Variants in TENT5D observed in about 807,000 individuals in gnomAD.
TENT5D encodes terminal nucleotidyltransferase 5D.
For synonymous variants in TENT5D, 103 were observed against 100.6 expected (o/e 1.02, Z -0.15); for missense variants, 191 against 287.0 (o/e 0.67, Z 2.42).
intron 1 of TENT5D, among the ~76,000 whole-genome samples, chrX:80,430,332 G>C (rs1177962789): frequency 9.0e-6 from 1 of 111,318 alleles, no homozygotes; most frequent in Non-Finnish European, 1.9e-5. Context: ...AGCGAAATTA[G>C]GGGTTTCTTG....
At chrX:80,392,765 C>T (rs1931161321) in intron 3 of TENT5D, among the ~76,000 whole-genome samples, 1 of 107,974 alleles carries the variant, frequency 9.3e-6, no homozygotes, top group African/African-American at 3.4e-5. Context: ...ATCCACCCGC[C>T]TCGGCCTCCC....
At chrX:80,378,452 T>A in intron 3 of TENT5D, among the ~76,000 whole-genome samples, 1 of 111,892 alleles carries the variant, frequency 8.9e-6, no homozygotes, top group East Asian at 2.8e-4. Flanking sequence ...GCTTTCTACA[T>A]ATAGCTAGCC....
At chrX:80,353,382 A>G (rs1040997047) in intron 3 of TENT5D, among the ~76,000 whole-genome samples, 1 of 111,703 alleles carries the variant, frequency 9.0e-6, no homozygotes, top group Non-Finnish European at 1.9e-5. Flanking sequence ...CACCCAGGCA[A>G]TAAGCATAGT....
rs1337270613 is a variant in TENT5D at position 80,404,349 on chromosome X, T to C, written c.-141-34261T>C. 6.3e-5 allele frequency among the ~76,000 whole-genome samples: 7 copies of C among 111,732 alleles called. No individual in the cohort carries two copies. The Admixed American group carries it at 6.6e-4, about 11-fold the overall frequency. On this transcript the variant is annotated intron_variant, in intron 3 of 4. Transcript: ENST00000538312. ...GTTAAATCTGTCTCTCAAAATCTTG[T>C]AAAAAATCTATAAAATGTTAATAAT...
intron 3 of TENT5D, among the ~76,000 whole-genome samples, chrX:80,390,562 C>T (rs67336913): frequency 0.097 from 10,745 of 110,603 alleles, 522 homozygotes; most frequent in African/African-American, 0.18. Context: ...GTAGAGAAGG[C>T]AGGATAGGAA....
At chrX:80,416,827 G>A (rs1182203539), upstream of TENT5D, among the ~76,000 whole-genome samples, 1 of 111,082 alleles carries the variant, frequency 9.0e-6, no homozygotes, top group African/African-American at 3.3e-5. Flanking sequence ...ATTTGGTCAG[G>A]TGTTGAGTTC....
chrX:80,398,215 C>T (rs1026394900), intron 3 of TENT5D, among the ~76,000 whole-genome samples: 1 of 111,768 alleles, frequency 8.9e-6, no homozygotes, highest in Non-Finnish European at 1.9e-5. Flanking sequence ...TGTTTGCCTT[C>T]TATCAAAAAT....
At chrX:80,405,535 G>A (rs756151754) in intron 3 of TENT5D, among the ~76,000 whole-genome samples, 4 of 112,483 alleles carry the variant, frequency 3.6e-5, no homozygotes, top group African/African-American at 6.4e-5. Context: ...CAAATATTGC[G>A]CTTTTCGGAC....
At chrX:80,443,309 A>C (rs1177074819) in exon 3 of TENT5D, 1 of 1,209,425 alleles carries the variant, frequency 8.3e-7, no homozygotes, top group African/African-American at 1.7e-5. Context: ...GAAATCAAAA[A>C]CCTAGAACGT....
At chrX:80,407,790 G>A in intron 3 of TENT5D, among the ~76,000 whole-genome samples, 1 of 106,691 alleles carries the variant, frequency 9.4e-6, no homozygotes, top group East Asian at 3.0e-4. Context: ...CAAATCAACA[G>A]AATATACATT....
chrX:80,379,109 C>A lies in TENT5D; in HGVS notation c.-142+36545C>A, dbSNP rs1305628621. ...TGAATTTTGTCGAAGGCCTTTTCTG[C>A]ATTCTCTTGCAGAAAAGGCCTTTTC... On this transcript the variant is annotated intron_variant, in intron 3 of 4. Transcript: ENST00000538312. Among the ~76,000 whole-genome samples the A allele has an allele frequency of 2.5e-4, 25 of 101,751 alleles. No homozygotes were observed. The East Asian group carries it at 7.9e-3, about 32-fold the overall frequency. The allele number at this position is 101,751 out of a possible 115,157, so 88.4% of individuals were successfully genotyped here. A position where few individuals can be genotyped will look rare whatever the true frequency, so the allele number is the denominator to read the frequency against.
intron 3 of TENT5D, among the ~76,000 whole-genome samples, chrX:80,350,789 GT>G (rs1930161285): frequency 9.0e-6 from 1 of 111,631 alleles, no homozygotes; most frequent in Admixed American, 9.5e-5. Flanking sequence ...GCTGGTACTG[GT>G]TTTTCCTTTC....
At position 80,381,880 on chromosome X, in the gene TENT5D, G is replaced by A. The variant is rs766997156; in HGVS notation, c.-142+39316G>A. On this transcript the variant is annotated intron_variant, in intron 3 of 4. Coordinates refer to the TENT5D transcript ENST00000538312. The stretch of plus-strand genomic sequence containing the variant: ...ATCTAATCTTTTTTCAAGGTTTTTA[G>A]CTTCCTTGCAATGAGTTCGAACATC... Among the ~76,000 whole-genome samples the A allele has an allele frequency of 6.3e-5, 7 of 111,831 alleles. No individual in the cohort carries two copies. The East Asian group carries it at 2.0e-3, about 32-fold the overall frequency.
chrX:80,336,433 G>A (rs1301812950), intron 2 of TENT5D, among the ~76,000 whole-genome samples: 1 of 109,879 alleles, frequency 9.1e-6, no homozygotes, highest in Non-Finnish European at 1.9e-5. Context: ...TTCAGTAGGT[G>A]AAACTGTATA....
At chrX:80,387,846 C>A (rs981984237) in intron 3 of TENT5D, among the ~76,000 whole-genome samples, 1 of 111,647 alleles carries the variant, frequency 9.0e-6, no homozygotes, top group Non-Finnish European at 1.9e-5. Context: ...TTCCCATATT[C>A]CCCAGGCAGG....
intron 3 of TENT5D, among the ~76,000 whole-genome samples, chrX:80,405,565 C>A (rs1236235395): frequency 8.9e-6 from 1 of 112,385 alleles, no homozygotes; most frequent in Non-Finnish European, 1.9e-5. Context: ...AAACGGCGCA[C>A]CACGAGATTA....
intron 2 of TENT5D, among the ~76,000 whole-genome samples, chrX:80,439,509 A>G (rs751783598): frequency 9.0e-6 from 1 of 111,235 alleles, no homozygotes; most frequent in Non-Finnish European, 1.9e-5. Flanking sequence ...GTATGGAGCC[A>G]TAATCTACAC....
chrX:80,407,197 G>A (rs1383818520), intron 3 of TENT5D, among the ~76,000 whole-genome samples: 1 of 107,873 alleles, frequency 9.3e-6, no homozygotes, highest in African/African-American at 3.4e-5. Context: ...ATCAACTAAC[G>A]AGCAAAATAA....
chrX:80,409,889 C>A (rs1442234733), intron 3 of TENT5D, among the ~76,000 whole-genome samples: 5 of 106,410 alleles, frequency 4.7e-5, no homozygotes, highest in Non-Finnish European at 9.7e-5. Context: ...GTACTGGTAC[C>A]AAAACAGAGA....
Sources: gnomAD v4.1 joint callset for allele counts (sites outside exome capture counted in the v4.1 genomes callset) on GRCh38, gnomAD v4.1.1 for gene constraint, MANE v1.5 for transcripts, NCBI Gene and HGNC (gene_info 2026-07-23, HGNC 2026-07-21) for gene names.